Variants in CPA6 observed in about 807,000 individuals in gnomAD.
The protein encoded by CPA6 is carboxypeptidase A6.
A neutral mutation model predicts 63.3 loss-of-function variants in CPA6; 58 were observed. The ratio of observed to expected loss-of-function variants is 0.92; its 90% CI spans 0.74 to 1.14. The LOEUF is 1.14. Ranked by LOEUF, CPA6 falls within the 50% of genes most tolerant of loss-of-function variation. The probability of loss-of-function intolerance (pLI) is 0.00; values close to 1 mark genes in which losing one functional copy is unlikely to be tolerated. For missense variants in CPA6, 565 were observed against 526.6 expected (o/e 1.07, Z -0.71); for synonymous variants, 185 against 179.0 (o/e 1.03, Z -0.27).
chr8:67,490,767 C>T (rs1280902888), intron 6 of CPA6, among the ~76,000 whole-genome samples: 1 of 152,064 alleles, frequency 6.6e-6, no homozygotes, highest in Non-Finnish European at 1.5e-5. Flanking sequence ...CAAATTTTGC[C>T]ATGACTAATG....
intron 8 of CPA6, among the ~76,000 whole-genome samples, chr8:67,463,482 A>G (rs1810859259): frequency 6.7e-6 from 1 of 148,476 alleles, no homozygotes; most frequent in African/African-American, 2.5e-5. Flanking sequence ...AAATAGATAA[A>G]TAAAAGAAGA....
chr8:67,621,051 C>A (rs1001881010), intron 2 of CPA6, among the ~76,000 whole-genome samples: 1 of 152,190 alleles, frequency 6.6e-6, no homozygotes, highest in Non-Finnish European at 1.5e-5. Flanking sequence ...ATCTACATAA[C>A]TTTACCCCAA....
chr8:67,728,863 C>A (rs760515693), intron 1 of CPA6, among the ~76,000 whole-genome samples: 11 of 152,152 alleles, frequency 7.2e-5, no homozygotes, highest in Non-Finnish European at 1.5e-4. Context: ...GTGGTCCGAA[C>A]CTTTATTTTG....
chr8:67,701,115 G>T (rs529177839), intron 1 of CPA6, among the ~76,000 whole-genome samples: 10 of 152,178 alleles, frequency 6.6e-5, no homozygotes, highest in Non-Finnish European at 1.5e-4. Flanking sequence ...AGAGCATGGA[G>T]TTTGAAGACA....
chr8:67,617,955 G>A (rs559236254), intron 2 of CPA6, among the ~76,000 whole-genome samples: 2 of 152,218 alleles, frequency 1.3e-5, no homozygotes, highest in African/African-American at 2.4e-5. Context: ...GCAGGAGTGA[G>A]TAGTCTGAGT....
chr8:67,721,876 T>C (rs565074817), intron 1 of CPA6, among the ~76,000 whole-genome samples: 13 of 152,346 alleles, frequency 8.5e-5, no homozygotes, highest in Non-Finnish European at 1.5e-4. Context: ...TCTCCGTACA[T>C]AGGGAACCTT....
At chr8:67,491,005 C>G (rs1811592279) in intron 6 of CPA6, among the ~76,000 whole-genome samples, 1 of 151,940 alleles carries the variant, frequency 6.6e-6, no homozygotes, top group South Asian at 2.1e-4. Flanking sequence ...ACATCCAATG[C>G]AGGACACACT....
intron 1 of CPA6, among the ~76,000 whole-genome samples, chr8:67,686,234 G>T (rs1377020234): frequency 6.6e-6 from 1 of 152,114 alleles, no homozygotes; most frequent in East Asian, 1.9e-4. Flanking sequence ...CCTAATTGCT[G>T]ACCTCTGTCA....
intron 1 of CPA6, among the ~76,000 whole-genome samples, chr8:67,688,552 A>G (rs1816752130): frequency 6.6e-6 from 1 of 152,224 alleles, no homozygotes; most frequent in Admixed American, 6.5e-5. Flanking sequence ...GCATATGTTT[A>G]TCAAGGGAAT....
intron 9 of CPA6, among the ~76,000 whole-genome samples, chr8:67,433,388 G>T (rs749769772): frequency 5.9e-5 from 9 of 152,146 alleles, no homozygotes; most frequent in Non-Finnish European, 8.8e-5. Flanking sequence ...GCCCTATAGT[G>T]AATAGCTTGT....
chr8:67,426,038 A>G (rs947043297), intron 10 of CPA6, among the ~76,000 whole-genome samples: 10 of 152,002 alleles, frequency 6.6e-5, no homozygotes, highest in Non-Finnish European at 1.2e-4. Flanking sequence ...CTGTGATTAC[A>G]GGCACCCGCT....
intron 1 of CPA6, chr8:67,735,428 C>G (rs369866939): frequency 1.3e-5 from 2 of 151,990 alleles, no homozygotes; most frequent in Non-Finnish European, 2.9e-5. Flanking sequence ...TCCAGTTTTC[C>G]GATAACTTAA....
At chr8:67,455,663 C>CAAAAAAAAAAAAAAAAA (rs552041509) in intron 8 of CPA6, among the ~76,000 whole-genome samples, 8 of 30,250 alleles carry the variant, frequency 2.6e-4, no homozygotes, top group African/African-American at 4.7e-4. Context: ...TCTACAAAAG[C>CAAAAAAAAAAAAAAAAA]AAAAAAAAAA....
intron 1 of CPA6, among the ~76,000 whole-genome samples, chr8:67,689,640 A>G (rs532821363): frequency 7.2e-5 from 11 of 152,318 alleles, no homozygotes; most frequent in African/African-American, 2.6e-4. Flanking sequence ...ATTCCATGGT[A>G]TATATGTACC....
At chr8:67,497,112 C>G (rs572035944) in intron 6 of CPA6, among the ~76,000 whole-genome samples, 4 of 152,224 alleles carry the variant, frequency 2.6e-5, no homozygotes, top group South Asian at 4.1e-4. Context: ...TATTGAGATA[C>G]GATTCACAGA....
Position 67,733,846 on chromosome 8 carries a change from C to CTT in CPA6, c.116+12166_116+12167dup, listed in dbSNP as rs10696053. On this transcript the variant is annotated intron_variant, in intron 1 of 10. Coordinates refer to ENST00000297770, the MANE Select transcript of CPA6 (RefSeq NM_020361.5). ...TAACTCGGGTCAAATGCTGCATCGT[C>CTT]TTTTTTTTTTTTTTTTTTTTTTGAG... 2.3e-3 allele frequency among the ~76,000 whole-genome samples: 221 copies of CTT among 94,918 alleles called. 17 individuals are homozygous for CTT. Among genetic ancestry groups the CTT allele is most frequent in the East Asian group, 5.2e-3 (14 of 2,694 alleles). 62.3% of individuals were successfully genotyped at this position (94,918 alleles called of 152,430 possible).
chr8:67,633,057 T>TA (rs752999174), intron 1 of CPA6, among the ~76,000 whole-genome samples: 14 of 152,224 alleles, frequency 9.2e-5, no homozygotes, highest in Non-Finnish European at 1.8e-4. Context: ...CTTTTGAATA[T>TA]AAAAACTTTT....
At chr8:67,697,601 A>G (rs1358834163) in intron 1 of CPA6, among the ~76,000 whole-genome samples, 8 of 152,226 alleles carry the variant, frequency 5.3e-5, no homozygotes, top group Admixed American at 3.9e-4. Context: ...CTTGAGGGAA[A>G]AGGCACTCAG....
chr8:67,641,222 G>C (rs1430757618), intron 1 of CPA6, among the ~76,000 whole-genome samples: 2 of 151,790 alleles, frequency 1.3e-5, no homozygotes, highest in Non-Finnish European at 2.9e-5. Flanking sequence ...GACAGCTTTG[G>C]CTGGGTTTCA....
Sources: allele counts gnomAD v4.1 joint callset (sites outside exome capture counted in the v4.1 genomes callset), GRCh38; gene constraint gnomAD v4.1.1; transcripts MANE v1.5; gene names NCBI Gene and HGNC (gene_info 2026-07-23, HGNC 2026-07-21).